RHOA: variants seen among roughly 807,000 people sequenced by gnomAD.
RHOA encodes the protein transforming protein RhoA.
Under a neutral mutation model 17.5 loss-of-function variants are expected in RHOA, and 3 were observed. The ratio of observed to expected loss-of-function variants is 0.17; its 90% confidence interval spans 0.08 to 0.44. The LOEUF (loss-of-function observed/expected upper bound fraction) is 0.44, where lower values mean the gene tolerates loss of function less well. Ranked by LOEUF, RHOA falls within the 20% of genes least tolerant of loss-of-function variation. The pLI, the probability that RHOA is intolerant of heterozygous loss-of-function variation, is 0.99. For missense variants in RHOA, 56 were observed against 242.3 expected (o/e 0.23, Z 5.10); for synonymous variants, 98 against 88.4 (o/e 1.11, Z -0.61).
intron 1 of RHOA, among the ~76,000 whole-genome samples, chr3:49,384,923 C>T (rs564815481): frequency 1.9e-4 from 29 of 152,042 alleles, no homozygotes; most frequent in African/African-American, 6.5e-4. Context: ...ATTAGCCTAG[C>T]GTGGTGGCAG....
chr3:49,365,834 G>A (rs1462267211), intron 3 of RHOA, among the ~76,000 whole-genome samples: 3 of 151,642 alleles, frequency 2.0e-5, no homozygotes, highest in Admixed American at 6.6e-5. Context: ...CAGGTGATCC[G>A]CCTACCTCAG....
At chr3:49,376,061 G>C (rs1331089567) in intron 1 of RHOA, among the ~76,000 whole-genome samples, 1 of 151,760 alleles carries the variant, frequency 6.6e-6, no homozygotes, top group Admixed American at 6.6e-5. Context: ...GGCTGGTCTT[G>C]AACTCCTGAC....
chr3:49,369,692 G>A (rs986827952), intron 2 of RHOA, among the ~76,000 whole-genome samples: 7 of 151,462 alleles, frequency 4.6e-5, no homozygotes, highest in African/African-American at 1.7e-4. Flanking sequence ...CCAAGATCGT[G>A]CCACTGCACT....
At chr3:49,397,810 G>C (rs6785045) in intron 1 of RHOA, among the ~76,000 whole-genome samples, 36,184 of 151,988 alleles carry the variant, frequency 0.24, 4,611 homozygotes, top group Middle Eastern at 0.29. Context: ...TGATCCACAG[G>C]AATAGAAAAA....
intron 1 of RHOA, among the ~76,000 whole-genome samples, chr3:49,387,879 G>A (rs2107872544): frequency 6.6e-6 from 1 of 152,008 alleles, no homozygotes; most frequent in Non-Finnish European, 1.5e-5. Context: ...TGTCACATAT[G>A]TTTGAGTCAC....
chr3:49,394,317 C>A (rs2048576110), intron 1 of RHOA, among the ~76,000 whole-genome samples: 1 of 150,710 alleles, frequency 6.6e-6, no homozygotes, highest in South Asian at 2.1e-4. Context: ...TGTCTCAATT[C>A]TTATTGCCCC....
At chr3:49,366,259 G>A (rs1376692591) in intron 3 of RHOA, among the ~76,000 whole-genome samples, 1 of 152,106 alleles carries the variant, frequency 6.6e-6, no homozygotes, top group African/African-American at 2.4e-5. Flanking sequence ...GCTCTGCCCA[G>A]CCTCCAGGGC....
Position 49,362,468 on chromosome 3 carries a change from T to A in RHOA, c.408+28A>T. ...ACTTGGGGCCCTAGTTCAAGAATAC[T>A]ACAAGACAGTCCTGCCCCAGATCAT... On this transcript the variant is annotated intron_variant, in intron 4 of 4. Transcript: ENST00000418115. 5.0e-6 allele frequency: 8 copies of A among 1,587,298 alleles called. No homozygotes were observed. In the South Asian group the frequency reaches 9.2e-5, roughly 18 times the overall value.
At position 49,393,670 on chromosome 3, in the gene RHOA, CTCTCTCTGTGTGTGTGTGTGTGTG is replaced by C. The variant is rs1559512136; in HGVS notation, c.-2-18103_-2-18080del. ...GACCACAGGTCCCTTGTCTCAAATT[CTCTCTCTGTGTGTGTGTGTGTGTG>C]TGTGTGTGTGTGTGTGTGTGTGTGT... On this transcript the variant is annotated intron_variant, in intron 1 of 4. Coordinates refer to ENST00000418115, the MANE Select transcript of RHOA (RefSeq NM_001664.4). Among the ~76,000 whole-genome samples the C allele has an allele frequency of 9.8e-4, 95 of 97,262 alleles. 1 individual carries two copies. The highest frequency in any genetic ancestry group is 9.1e-3 in the East Asian group (37 of 4,082). 63.8% of individuals were successfully genotyped at this position (97,262 alleles called of 152,430 possible).
chr3:49,370,531 G>A (rs1429224396), intron 2 of RHOA, among the ~76,000 whole-genome samples: 3 of 152,210 alleles, frequency 2.0e-5, no homozygotes, highest in African/African-American at 7.2e-5. Flanking sequence ...AAGACACCAT[G>A]CTGGCTGTTA....
chr3:49,409,999 T>C (rs1366050910), intron 1 of RHOA, among the ~76,000 whole-genome samples: 1 of 152,156 alleles, frequency 6.6e-6, no homozygotes, highest in Non-Finnish European at 1.5e-5. Flanking sequence ...CCAGGGACCC[T>C]CGTACATTCA....
At position 49,384,146 on chromosome 3, in the gene RHOA, G is replaced by A. The variant is rs117030533; in HGVS notation, c.-2-8555C>T. ...AAGACAAAAATTACAAGTGATTATCGGACAAAATGAAAGCCTAAGTGATTT... is the reference window on the plus strand; with the variant it reads ...AAGACAAAAATTACAAGTGATTATCAGACAAAATGAAAGCCTAAGTGATTT... On this transcript the variant is annotated intron_variant, in intron 1 of 4. Coordinates refer to ENST00000418115, the MANE Select transcript of RHOA (RefSeq NM_001664.4). 2.6e-3 allele frequency among the ~76,000 whole-genome samples: 392 copies of A among 152,230 alleles called. 2 individuals carry two copies. The East Asian group carries it at 0.027, about 10-fold the overall frequency.
intron 1 of RHOA, among the ~76,000 whole-genome samples, chr3:49,394,203 A>C (rs2048574179): frequency 6.6e-6 from 1 of 151,254 alleles, no homozygotes; most frequent in Non-Finnish European, 1.5e-5. Context: ...ACAGGGATTC[A>C]CCATGTTGGT....
chr3:49,406,512 G>C (rs1040628016), intron 1 of RHOA, among the ~76,000 whole-genome samples: 7 of 152,170 alleles, frequency 4.6e-5, no homozygotes, highest in African/African-American at 1.7e-4. Flanking sequence ...GGTAGCTCAC[G>C]CCCGTAATCC....
At chr3:49,401,454 A>G (rs915371418) in intron 1 of RHOA, among the ~76,000 whole-genome samples, 1 of 151,644 alleles carries the variant, frequency 6.6e-6, no homozygotes, top group Non-Finnish European at 1.5e-5. Flanking sequence ...AGAGTTTGAC[A>G]CCAGCCTGGG....
chr3:49,403,544 C>A (rs1435501843), intron 1 of RHOA, among the ~76,000 whole-genome samples: 1 of 150,650 alleles, frequency 6.6e-6, no homozygotes, highest in South Asian at 2.1e-4. Flanking sequence ...TGAGACCCCT[C>A]TCTCTACAAA....
intron 1 of RHOA, among the ~76,000 whole-genome samples, chr3:49,384,514 AT>A (rs962336401): frequency 4.1e-4 from 61 of 147,034 alleles, no homozygotes; most frequent in Admixed American, 4.8e-4. Context: ...ACAACTTTTA[AT>A]TTTTTTTTTT....
chr3:49,386,797 G>C (rs1267822984), intron 1 of RHOA, among the ~76,000 whole-genome samples: 1 of 152,034 alleles, frequency 6.6e-6, no homozygotes, highest in Non-Finnish European at 1.5e-5. Context: ...TCTATATTCA[G>C]TATGACCGTA....
intron 1 of RHOA, among the ~76,000 whole-genome samples, chr3:49,379,086 G>A (rs962431132): frequency 2.0e-5 from 3 of 152,018 alleles, no homozygotes; most frequent in Non-Finnish European, 2.9e-5. Flanking sequence ...ACCTCTACAT[G>A]AATATTCATA....
Sources: allele counts gnomAD v4.1 joint callset (sites outside exome capture counted in the v4.1 genomes callset), GRCh38; gene constraint gnomAD v4.1.1; transcripts MANE v1.5; gene names NCBI Gene and HGNC (gene_info 2026-07-23, HGNC 2026-07-21).